ARID4B: variants seen among roughly 807,000 people sequenced by gnomAD.
ARID4B encodes AT-rich interactive domain-containing protein 4B.
In ARID4B, 26 loss-of-function variants were observed where a neutral mutation model predicts 147.5. The ratio of observed to expected loss-of-function variants is 0.18; its 90% confidence interval spans 0.13 to 0.24. The LOEUF (loss-of-function observed/expected upper bound fraction) is 0.24, where lower values mean the gene tolerates loss of function less well. Ranked by LOEUF, ARID4B falls within the 10% of genes least tolerant of loss-of-function variation. ARID4B has a pLI of 1.00. For synonymous variants in ARID4B, 512 were observed against 507.9 expected, an observed-to-expected ratio of 1.01 and a Z score of -0.11; for missense variants, 1,179 against 1,511.5, an observed-to-expected ratio of 0.78 and a Z score of 3.65.
chr1:235,199,256 A>G (rs975137604), intron 17 of ARID4B, among the ~76,000 whole-genome samples: 1 of 152,326 alleles, frequency 6.6e-6, no homozygotes, highest in Non-Finnish European at 1.5e-5. Flanking sequence ...ATCTATAAAT[A>G]TTAGCTAATA....
chr1:235,205,862 G>A (rs951560873), intron 17 of ARID4B, among the ~76,000 whole-genome samples: 5 of 152,260 alleles, frequency 3.3e-5, no homozygotes, highest in Admixed American at 2.6e-4. Context: ...AGAATAACAA[G>A]TGTTGACAAG....
chr1:235,173,791 T>TATATATATATATATATGTATACCTAAAAC (rs1558165898), intron 22 of ARID4B, among the ~76,000 whole-genome samples: 12 of 67,740 alleles, frequency 1.8e-4, no homozygotes, highest in Non-Finnish European at 2.8e-4. Context: ...TATATATATA[T>TATATATATATATATATGTATACCTAAAAC]ATATATATAT....
intron 2 of ARID4B, among the ~76,000 whole-genome samples, chr1:235,319,257 C>T (rs1005415411): frequency 6.6e-6 from 1 of 152,192 alleles, no homozygotes; most frequent in African/African-American, 2.4e-5. Context: ...TGGCTCATGC[C>T]TGTAATCCCA....
chr1:235,191,842 G>A (rs1399074380), intron 19 of ARID4B, among the ~76,000 whole-genome samples: 1 of 152,140 alleles, frequency 6.6e-6, no homozygotes, highest in East Asian at 1.9e-4. Flanking sequence ...GAAGGCTGAG[G>A]CAGATGGATT....
At chr1:235,317,812 T>C (rs1023956458) in intron 2 of ARID4B, among the ~76,000 whole-genome samples, 5 of 152,162 alleles carry the variant, frequency 3.3e-5, no homozygotes, top group African/African-American at 1.2e-4. Context: ...GACCAATACA[T>C]AATAAGTATT....
At chr1:235,327,187 G>A (rs570518660) in intron 1 of ARID4B, 2 of 440,128 alleles carry the variant, frequency 4.5e-6, no homozygotes, top group South Asian at 5.9e-5. Context: ...CGTCCCCATT[G>A]TCGAGACCCG....
chr1:235,264,214 A>G (rs546694563), intron 2 of ARID4B, among the ~76,000 whole-genome samples: 120 of 152,310 alleles, frequency 7.9e-4, no homozygotes, highest in African/African-American at 2.8e-3. Flanking sequence ...AATCTTACAC[A>G]TAATTGTTTA....
chr1:235,286,426 G>A (rs1050776307), intron 2 of ARID4B, among the ~76,000 whole-genome samples: 1 of 152,208 alleles, frequency 6.6e-6, no homozygotes, highest in Non-Finnish European at 1.5e-5. Context: ...TTTTCATGGA[G>A]TGTAGTGGAG....
At chr1:235,310,174 T>TA (rs1357539220) in intron 2 of ARID4B, among the ~76,000 whole-genome samples, 13 of 145,966 alleles carry the variant, frequency 8.9e-5, no homozygotes, top group East Asian at 2.0e-4. Context: ...GAATGATCAA[T>TA]AAAAAAAAAT....
chr1:235,303,271 A>C (rs1319889147), intron 2 of ARID4B, among the ~76,000 whole-genome samples: 2 of 152,042 alleles, frequency 1.3e-5, no homozygotes. Context: ...TTCCACCCAA[A>C]ATTTGTATTC....
At chr1:235,325,356 C>G (rs1440121126) in intron 2 of ARID4B, among the ~76,000 whole-genome samples, 1 of 149,760 alleles carries the variant, frequency 6.7e-6, no homozygotes, top group Non-Finnish European at 1.5e-5. Flanking sequence ...TTTTTTTAAA[C>G]AGACTACTTA....
intron 8 of ARID4B, 85 bp from the exon 9 acceptor site, chr1:235,234,577 G>T: frequency 1.0e-6 from 1 of 987,370 alleles, no homozygotes. Context: ...TTTAAAAAGT[G>T]TAAGCTTGAA....
intron 2 of ARID4B, among the ~76,000 whole-genome samples, chr1:235,288,876 C>G (rs1420157182): frequency 6.6e-6 from 1 of 152,164 alleles, no homozygotes; most frequent in African/African-American, 2.4e-5. Flanking sequence ...GTTAAGTGTT[C>G]TATTTTCAAC....
intron 7 of ARID4B, among the ~76,000 whole-genome samples, chr1:235,240,724 A>G (rs1404176766): frequency 2.6e-5 from 4 of 152,208 alleles, no homozygotes; most frequent in African/African-American, 9.6e-5. Context: ...ACTGGTTCCC[A>G]AATCCTCAAA....
intron 2 of ARID4B, among the ~76,000 whole-genome samples, chr1:235,266,486 C>T (rs921161454): frequency 1.2e-4 from 18 of 152,126 alleles, no homozygotes; most frequent in African/African-American, 4.1e-4. Context: ...GCAAACAGAA[C>T]AGTTTTCTGG....
chr1:235,281,177 T>C (rs951413819), intron 2 of ARID4B, among the ~76,000 whole-genome samples: 3 of 152,198 alleles, frequency 2.0e-5, no homozygotes, highest in Non-Finnish European at 2.9e-5. Context: ...TCTCAGCACT[T>C]TGGGAGGCCA....
intron 23 of ARID4B, among the ~76,000 whole-genome samples, chr1:235,168,984 C>T (rs527263721): frequency 2.0e-5 from 3 of 152,266 alleles, no homozygotes; most frequent in African/African-American, 7.2e-5. Flanking sequence ...AAACAAGTAT[C>T]AAAACAGGAA....
intron 19 of ARID4B, among the ~76,000 whole-genome samples, chr1:235,189,399 CAAAAAAA>C (rs11299121): frequency 3.4e-5 from 2 of 58,920 alleles, no homozygotes; most frequent in Non-Finnish European, 2.8e-5. Context: ...GACTCAGTCT[CAAAAAAA>C]AAAAAAAAAA....
chr1:235,182,596 C>G lies in ARID4B; in HGVS notation c.2323G>C (p.Val775Leu), dbSNP rs1331220604. 13 of 1,612,720 alleles carry G rather than the reference C, an allele frequency of 8.1e-6. No homozygotes were observed. Among genetic ancestry groups the G allele is most frequent in the Non-Finnish European group, 1.1e-5 (13 of 1,179,754 alleles). The change falls in exon 20 of 24, where the codon GTG (valine) becomes CTG (leucine). Residue 775 changes from valine (V) to leucine (L), a missense_variant. By Grantham distance (32) the Val-to-Leu change is conservative. This residue lies in a region of ARID4B where 321 missense variants were observed against 342.4 expected (regional missense o/e 0.94). Transcript: ENST00000264183. Reference sequence around the variant, plus strand: ...CTTAATCTTTCTGGAGATTTTGACACTGGTTTGGATATTACCAAATCTGCA... The same window carrying G: ...CTTAATCTTTCTGGAGATTTTGACAGTGGTTTGGATATTACCAAATCTGCA... ...VHADLVISKP[V>L]SKSPERLRKD...
Sources: allele counts gnomAD v4.1 joint callset (sites outside exome capture counted in the v4.1 genomes callset), GRCh38; gene constraint gnomAD v4.1.1; regional missense constraint gnomAD v4.1.1; transcripts MANE v1.5; gene names NCBI Gene and HGNC (gene_info 2026-07-23, HGNC 2026-07-21).